PARD3B: variants seen among roughly 807,000 people sequenced by gnomAD.
PARD3B encodes partitioning defective 3 homolog B.
Under a neutral mutation model 130.2 loss-of-function variants are expected in PARD3B, and 103 were observed. The ratio of observed to expected loss-of-function variants is 0.79; its 90% CI spans 0.67 to 0.93. The LOEUF (loss-of-function observed/expected upper bound fraction) is 0.93, where lower values mean the gene tolerates loss of function less well. PARD3B is among the 40% of genes least tolerant of loss of function. The probability of loss-of-function intolerance (pLI) is 0.00; values close to 1 mark genes in which losing one functional copy is unlikely to be tolerated. For synonymous variants in PARD3B, 583 were observed against 553.2 expected (o/e 1.05, Z -0.76); for missense variants, 1,609 against 1,499.2 (o/e 1.07, Z -1.21).
In PARD3B at chr2:205,121,703, T is replaced by G. The variant is rs748473385; in HGVS notation, c.919T>G (p.Phe307Val). 93 of 1,614,018 alleles carry G rather than the reference T, an allele frequency of 5.8e-5. No homozygotes were observed. The South Asian group carries it at 9.9e-4, about 17-fold the overall frequency. The change falls in exon 8 of 23, where the codon TTT (phenylalanine) becomes GTT (valine). Residue 307 changes from phenylalanine to valine, a missense_variant. Phe to Val is a conservative substitution (Grantham distance 50). Transcript: ENST00000406610. This position sits in a 1 kb window ranked among gnomAD's most constrained non-coding sequence, Gnocchi z 5.0. ...GTCAGTCATTGGCTCTCTTAACATT[T>G]TTGGTAATAATGATGGCGTTTTGAA... ...EKSVIGSLNI[F>V]GNNDGVLKTK...
In PARD3B at chr2:204,935,993, G is replaced by T. The variant is rs548176654; in HGVS notation, c.223-29159G>T. Among the ~76,000 whole-genome samples the T allele has an allele frequency of 3.3e-5, 5 of 152,314 alleles. No homozygotes were observed. The South Asian group carries it at 1.0e-3, about 32-fold the overall frequency. ...ACATTGTGTACTAGGTTCTGGGAAGGCCCTAAGTGTCTATAAACATGTACA... is the reference window on the plus strand; with the variant it reads ...ACATTGTGTACTAGGTTCTGGGAAGTCCCTAAGTGTCTATAAACATGTACA... On this transcript the variant is annotated intron_variant, in intron 2 of 22. Transcript: ENST00000406610.
chr2:205,103,386 A>G (rs1411057213), intron 4 of PARD3B, among the ~76,000 whole-genome samples: 1 of 41,908 alleles, frequency 2.4e-5, no homozygotes, highest in South Asian at 9.5e-4. Context: ...ATAAATATTT[A>G]TATAAATTAT....
intron 21 of PARD3B, among the ~76,000 whole-genome samples, chr2:205,548,990 T>C (rs1460028402): frequency 6.6e-6 from 1 of 152,038 alleles, no homozygotes; most frequent in Non-Finnish European, 1.5e-5. Flanking sequence ...GCAAAGAAGA[T>C]ATACATATGG....
chr2:204,858,242 G>C (rs986124530), intron 2 of PARD3B, among the ~76,000 whole-genome samples: 11 of 152,032 alleles, frequency 7.2e-5, no homozygotes, highest in East Asian at 5.8e-4. Context: ...TAAAGTTAAA[G>C]TACCAGAGAG....
intron 2 of PARD3B, among the ~76,000 whole-genome samples, chr2:204,807,889 A>G (rs2042831491): frequency 6.6e-6 from 1 of 152,036 alleles, no homozygotes; most frequent in Admixed American, 6.6e-5. Context: ...AAGATCTAGT[A>G]TTTGAGATCA....
At chr2:205,384,266 T>G (rs1481632380) in intron 18 of PARD3B, among the ~76,000 whole-genome samples, 1 of 152,122 alleles carries the variant, frequency 6.6e-6, no homozygotes, top group African/African-American at 2.4e-5. Context: ...ACTTTAAGTT[T>G]TATATCCTTT....
chr2:204,762,322 C>T (rs1465568273), intron 2 of PARD3B, among the ~76,000 whole-genome samples: 2 of 151,806 alleles, frequency 1.3e-5, no homozygotes, highest in Non-Finnish European at 2.9e-5. Flanking sequence ...CCATGTTAGT[C>T]AGGATGGTCT....
At chr2:204,795,442 C>T (rs1360016645) in intron 2 of PARD3B, among the ~76,000 whole-genome samples, 4 of 152,110 alleles carry the variant, frequency 2.6e-5, no homozygotes, top group Non-Finnish European at 5.9e-5. Flanking sequence ...GGATTTGGGG[C>T]TTATTTGGAA....
At chr2:205,096,885 T>C (rs1702433857) in intron 4 of PARD3B, among the ~76,000 whole-genome samples, 1 of 152,206 alleles carries the variant, frequency 6.6e-6, no homozygotes, top group Non-Finnish European at 1.5e-5. Context: ...TGATAGTCTT[T>C]CGTATAAATA....
chr2:205,424,062 C>T (rs556133217), intron 19 of PARD3B, among the ~76,000 whole-genome samples: 1 of 152,116 alleles, frequency 6.6e-6, no homozygotes, highest in Non-Finnish European at 1.5e-5. Context: ...CAAACCTGCA[C>T]TTGTACCCCT....
At chr2:205,062,282 G>C (rs1290007474) in intron 4 of PARD3B, among the ~76,000 whole-genome samples, 1 of 152,042 alleles carries the variant, frequency 6.6e-6, no homozygotes, top group Non-Finnish European at 1.5e-5. Context: ...TATGTTATTG[G>C]AGAAATTAGT....
At chr2:205,188,783 CAAAAA>C (rs68034154) in intron 14 of PARD3B, among the ~76,000 whole-genome samples, 1 of 97,400 alleles carries the variant, frequency 1.0e-5, no homozygotes, top group Non-Finnish European at 2.1e-5. Flanking sequence ...TTCTGCCTTT[CAAAAA>C]AAAAAAAAAA....
In PARD3B at chr2:204,961,323, C is replaced by T. The variant is rs553275811; in HGVS notation, c.223-3829C>T. Among the ~76,000 whole-genome samples the T allele has an allele frequency of 3.3e-5, 5 of 152,034 alleles. No individual in the cohort carries two copies. The South Asian group carries it at 1.0e-3, about 32-fold the overall frequency. On this transcript the variant is annotated intron_variant, in intron 2 of 22. Coordinates refer to ENST00000406610, the MANE Select transcript of PARD3B (RefSeq NM_001302769.2). ...GGTAGCTGGGTCCAAAGTGGTGACA[C>T]TGGAGGTGGTGAGAAGTGGTCAAAT...
chr2:205,147,647 T>C (rs553111196), intron 10 of PARD3B, among the ~76,000 whole-genome samples: 8 of 152,160 alleles, frequency 5.3e-5, no homozygotes, highest in African/African-American at 9.7e-5. Flanking sequence ...TTATAAAGAA[T>C]GTCTAGAATT....
chr2:204,970,053 T>C (rs187357114), intron 3 of PARD3B, among the ~76,000 whole-genome samples: 3 of 152,158 alleles, frequency 2.0e-5, no homozygotes, highest in South Asian at 2.1e-4. Flanking sequence ...TATGTACATA[T>C]AGGGCCATCT....
rs1452569194 is a variant in PARD3B, at chr2:205,558,718, A to G, written c.3260+5315A>G. Among the ~76,000 whole-genome samples the G allele has an allele frequency of 6.6e-6, 1 of 152,030 alleles. No individual in the cohort carries two copies. Among genetic ancestry groups the G allele is most frequent in the Non-Finnish European group, 1.5e-5 (1 of 68,028 alleles). The stretch of plus-strand genomic sequence containing the variant: ...TGCCAATTCAATGCCCGTCTCTATG[A>G]TGATTCCAAAAGTACCTGCCTAACA... On this transcript the variant is annotated intron_variant, in intron 22 of 22. Coordinates refer to ENST00000406610, the MANE Select transcript of PARD3B (RefSeq NM_001302769.2). This position sits in a 1 kb window ranked among gnomAD's most constrained non-coding sequence, Gnocchi z 4.8.
Position 205,535,849 on chromosome 2 carries a change from G to T in PARD3B, c.3181-17475G>T, listed in dbSNP as rs537349788. On this transcript the variant is annotated intron_variant, in intron 21 of 22. Coordinates refer to ENST00000406610, the MANE Select transcript of PARD3B (RefSeq NM_001302769.2). ...AATTAGTAATTAGAAACACATTAAAGTGTTGGATCATTTTTCTTAGGGGCT... is the reference window on the plus strand; with the variant it reads ...AATTAGTAATTAGAAACACATTAAATTGTTGGATCATTTTTCTTAGGGGCT... 1.2e-4 allele frequency among the ~76,000 whole-genome samples: 18 copies of T among 152,310 alleles called. No individual in the cohort carries two copies. In the South Asian group the frequency reaches 3.1e-3, roughly 26 times the overall value.
chr2:204,571,414 C>T (rs1420533016), intron 1 of PARD3B, among the ~76,000 whole-genome samples: 1 of 152,118 alleles, frequency 6.6e-6, no homozygotes, highest in East Asian at 1.9e-4. Context: ...TACATGCTGC[C>T]AAGGAGTGGT....
chr2:205,587,600 C>G (rs1170122965), intron 22 of PARD3B, among the ~76,000 whole-genome samples: 1 of 152,290 alleles, frequency 6.6e-6, no homozygotes, highest in East Asian at 1.9e-4. Context: ...CTGTGGCTTT[C>G]CCTTTCCCTA....
Sources: gnomAD v4.1 joint callset for allele counts (sites outside exome capture counted in the v4.1 genomes callset) on GRCh38, gnomAD v4.1.1 for gene constraint, Gnocchi (gnomAD v3.1) non-coding constraint, MANE v1.5 for transcripts, NCBI Gene and HGNC (gene_info 2026-07-23, HGNC 2026-07-21) for gene names.